The following EXOC2 variants were observed in gnomAD, a reference collection of about 807,000 sequenced individuals.
EXOC2 encodes the protein SEC5-like 1.
Under a neutral mutation model 131.8 loss-of-function variants are expected in EXOC2, and 70 were observed. That is an observed-to-expected ratio of 0.53 (90% CI 0.44 to 0.65). The LOEUF (loss-of-function observed/expected upper bound fraction) is 0.65, where lower values mean the gene tolerates loss of function less well. Ranked by LOEUF, EXOC2 falls within the 30% of genes least tolerant of loss-of-function variation. The pLI, the probability that EXOC2 is intolerant of heterozygous loss-of-function variation, is 0.00. For synonymous variants in EXOC2, 411 were observed against 398.4 expected, an observed-to-expected ratio of 1.03 and a Z score of -0.38; for missense variants, 923 against 1,108.6, an observed-to-expected ratio of 0.83 and a Z score of 2.38.
chr6:678,684 A>C (rs1459416466), intron 1 of EXOC2, among the ~76,000 whole-genome samples: 1 of 152,228 alleles, frequency 6.6e-6, no homozygotes, highest in African/African-American at 2.4e-5. Context: ...TACCTCCCAG[A>C]ACCAGGGCAT....
intron 1 of EXOC2, among the ~76,000 whole-genome samples, chr6:684,355 A>G (rs1288929999): frequency 1.3e-5 from 2 of 152,196 alleles, no homozygotes; most frequent in Non-Finnish European, 2.9e-5. Flanking sequence ...GTACTCCCCC[A>G]TACCAATTTA....
intron 23 of EXOC2, among the ~76,000 whole-genome samples, chr6:501,994 G>T (rs971217183): frequency 6.6e-6 from 1 of 152,246 alleles, no homozygotes; most frequent in South Asian, 2.1e-4. Flanking sequence ...ACCCCCCGGT[G>T]TCCCCAGACT....
At chr6:511,559 C>G (rs1764844402) in intron 23 of EXOC2, among the ~76,000 whole-genome samples, 1 of 152,260 alleles carries the variant, frequency 6.6e-6, no homozygotes, top group South Asian at 2.1e-4. Context: ...GCCTTGCACC[C>G]TGTTGGGACT....
At chr6:606,449 A>C (rs1034323551) in intron 7 of EXOC2, among the ~76,000 whole-genome samples, 1 of 149,612 alleles carries the variant, frequency 6.7e-6, no homozygotes, top group Non-Finnish European at 1.5e-5. Context: ...TCACAAGAAA[A>C]AAAATAAAAA....
At chr6:572,410 G>T in intron 13 of EXOC2, 110 bp downstream of exon 13, 1 of 1,334,696 alleles carries the variant, frequency 7.5e-7, no homozygotes, top group Non-Finnish European at 1.0e-6. Flanking sequence ...TATGACGATG[G>T]CTAGAGATGT....
intron 1 of EXOC2, among the ~76,000 whole-genome samples, chr6:650,703 A>T (rs1227977459): frequency 1.3e-5 from 2 of 152,236 alleles, no homozygotes; most frequent in Non-Finnish European, 2.9e-5. Flanking sequence ...AATTATTAAA[A>T]GTAAACCATA....
At chr6:532,111 C>G (rs1245306694) in intron 23 of EXOC2, among the ~76,000 whole-genome samples, 1 of 152,332 alleles carries the variant, frequency 6.6e-6, no homozygotes, top group East Asian at 1.9e-4. Flanking sequence ...TTCTTTAATA[C>G]ATTTTTTGAT....
At position 629,967 on chromosome 6, in the gene EXOC2, G is replaced by A. The variant is rs1364836632; in HGVS notation, c.296-6C>T. ...AGCAGACTGATCCAAAATGCCTACA[G>A]AAATGAGGAGCATATGCTTAATAAG... On this transcript the variant is annotated splice_region_variant and splice_polypyrimidine_tract_variant and intron_variant, in intron 3 of 27. Transcript: ENST00000230449. 6.2e-7 allele frequency: 1 copy of A among 1,613,438 alleles called. No individual in the cohort carries two copies. The highest frequency in any genetic ancestry group is 8.5e-7 in the Non-Finnish European group (1 of 1,179,706).
intron 12 of EXOC2, among the ~76,000 whole-genome samples, chr6:573,412 GC>G (rs1758397642): frequency 6.6e-6 from 1 of 151,734 alleles, no homozygotes; most frequent in East Asian, 1.9e-4. Context: ...CCTGCCTCCC[GC>G]CCCGCACTCC....
At chr6:551,910 T>C (rs1037855330) in intron 21 of EXOC2, among the ~76,000 whole-genome samples, 2 of 152,222 alleles carry the variant, frequency 1.3e-5, no homozygotes, top group Non-Finnish European at 2.9e-5. Context: ...CCATAAATAC[T>C]GGCACCCTCA....
intron 4 of EXOC2, among the ~76,000 whole-genome samples, chr6:623,378 C>T (rs1408664446): frequency 1.3e-5 from 2 of 152,198 alleles, no homozygotes; most frequent in East Asian, 3.8e-4. Context: ...TCCCCTAAGA[C>T]GGAGCTGATT....
chr6:564,727 C>A, intron 14 of EXOC2, 25 bp from the exon 15 acceptor site: 1 of 1,584,496 alleles, frequency 6.3e-7, no homozygotes, highest in Non-Finnish European at 8.6e-7. Context: ...ACAAGCATAA[C>A]CGTGTTCAAA....
At chr6:638,654 C>A in intron 1 of EXOC2, among the ~76,000 whole-genome samples, 1 of 152,222 alleles carries the variant, frequency 6.6e-6, no homozygotes. Context: ...AAAAGTTTGC[C>A]GGGTGCGGTG....
At chr6:544,823 C>T (rs889683963) in intron 22 of EXOC2, among the ~76,000 whole-genome samples, 39 of 152,172 alleles carry the variant, frequency 2.6e-4, no homozygotes, top group Admixed American at 9.2e-4. Context: ...CCTTTCACGC[C>T]GGAGTTTCTC....
rs1366598362 is a variant in EXOC2, at chr6:486,413, T to C, written c.*258A>G. 1 of 354,646 alleles carries C rather than the reference T, an allele frequency of 2.8e-6. No homozygotes were observed. Among genetic ancestry groups the C allele is most frequent in the Non-Finnish European group, 5.1e-6 (1 of 196,200 alleles). The allele number at this position is 354,646 out of a possible 1,614,324, so 22.0% of individuals were successfully genotyped here. On this transcript the variant is annotated 3_prime_UTR_variant, in exon 28 of 28. Transcript: ENST00000230449. ...TGCAGCACTCAACCTTCTGCTGAGA[T>C]GCAAAATATATTTTAAAATGTATTT...
chr6:623,115 C>T (rs1401243304), intron 4 of EXOC2, among the ~76,000 whole-genome samples: 3 of 152,224 alleles, frequency 2.0e-5, no homozygotes, highest in Non-Finnish European at 4.4e-5. Context: ...TCCCCACTGG[C>T]CCTGCACTCC....
At chr6:650,034 C>T (rs1361618134) in intron 1 of EXOC2, among the ~76,000 whole-genome samples, 2 of 152,160 alleles carry the variant, frequency 1.3e-5, no homozygotes, top group African/African-American at 4.8e-5. Flanking sequence ...TTCCTGCCTG[C>T]AAGAGCAAAG....
intron 25 of EXOC2, among the ~76,000 whole-genome samples, chr6:492,805 G>A (rs897762575): frequency 5.9e-5 from 9 of 152,160 alleles, no homozygotes; most frequent in African/African-American, 1.9e-4. Flanking sequence ...GGGATGAAAT[G>A]TTCTAAAATT....
Position 633,009 on chromosome 6 carries a change from A to G in EXOC2, c.227T>C (p.Val76Ala). The G allele has an allele frequency of 6.2e-7, 1 of 1,614,178 alleles. No homozygotes were observed. The highest frequency in any genetic ancestry group is 8.5e-7 in the Non-Finnish European group (1 of 1,180,024). The change falls in exon 3 of 28, where the codon GTC becomes GCC. Residue 76 changes from valine (V) to alanine (A), a missense_variant. Transcript: ENST00000230449. ...TCCTCTGCCACCTGACTTAGTGGTG[A>G]CAATAATGTCTCCTTTGTCATTTTT... is the stretch of plus-strand genomic sequence containing the variant. ...QAKNDKGDII[V>A]TTKSGGRGTS...
Sources: gnomAD v4.1 joint callset for allele counts (sites outside exome capture counted in the v4.1 genomes callset) on GRCh38, gnomAD v4.1.1 for gene constraint, MANE v1.5 for transcripts, NCBI Gene and HGNC (gene_info 2026-07-23, HGNC 2026-07-21) for gene names.